AUTS2: variants seen among roughly 807,000 people sequenced by gnomAD.
AUTS2 encodes the protein activator of transcription and developmental regulator AUTS2, also known as autism susceptibility gene 2 protein.
A neutral mutation model predicts 112.4 loss-of-function variants in AUTS2; 17 were observed. The ratio of observed to expected loss-of-function variants is 0.15; its 90% CI spans 0.10 to 0.23. The LOEUF is 0.23. Ranked by LOEUF, AUTS2 falls within the 10% of genes least tolerant of loss-of-function variation. The probability of loss-of-function intolerance (pLI) is 1.00; values close to 1 mark genes in which losing one functional copy is unlikely to be tolerated. For missense variants in AUTS2, 1,510 were observed against 1,701.6 expected (o/e 0.89, Z 1.98); for synonymous variants, 751 against 702.7 (o/e 1.07, Z -1.09).
chr7:69,764,898 C>T (rs1788353463), intron 1 of AUTS2, among the ~76,000 whole-genome samples: 1 of 152,150 alleles, frequency 6.6e-6, no homozygotes, highest in Non-Finnish European at 1.5e-5. Context: ...TGGAACCAGG[C>T]TTAGGATGGA....
At chr7:70,165,523 A>G (rs1441527507) in intron 4 of AUTS2, among the ~76,000 whole-genome samples, 2 of 152,194 alleles carry the variant, frequency 1.3e-5, no homozygotes, top group Non-Finnish European at 2.9e-5. Flanking sequence ...TGAAAGAACA[A>G]ATACCCTCAA....
At chr7:69,978,880 ACACACACACACACACACACACG>A (rs1285666954) in intron 2 of AUTS2, among the ~76,000 whole-genome samples, 16 of 150,166 alleles carry the variant, frequency 1.1e-4, no homozygotes, top group African/African-American at 3.7e-4. Flanking sequence ...ACACACACAC[ACACACACACACACACACACACG>A]CACACACGCA....
intron 4 of AUTS2, among the ~76,000 whole-genome samples, chr7:70,377,355 T>TATATATATATATATATAGTG (rs1793150877): frequency 8.6e-6 from 1 of 116,346 alleles, no homozygotes; most frequent in Non-Finnish European, 1.7e-5. Flanking sequence ...TATATATATA[T>TATATATATATATATATAGTG]ATATATATAT....
At chr7:69,720,736 T>C (rs1327709756) in intron 1 of AUTS2, among the ~76,000 whole-genome samples, 1 of 152,128 alleles carries the variant, frequency 6.6e-6, no homozygotes, top group East Asian at 1.9e-4. Context: ...AGGGAGGAAA[T>C]TCTGCCTAAG....
At chr7:70,031,636 G>T (rs1233126066) in intron 2 of AUTS2, among the ~76,000 whole-genome samples, 1 of 152,120 alleles carries the variant, frequency 6.6e-6, no homozygotes, top group Non-Finnish European at 1.5e-5. Context: ...TGAGGATATT[G>T]AGTAATTGAA....
chr7:70,004,380 ATATAT>A (rs1454832891), intron 2 of AUTS2, among the ~76,000 whole-genome samples: 59 of 120,738 alleles, frequency 4.9e-4, no homozygotes, highest in Admixed American at 3.1e-4. Context: ...ATATTCATAT[ATATAT>A]TATATATATG....
At chr7:70,315,187 A>G (rs1020728286) in intron 4 of AUTS2, among the ~76,000 whole-genome samples, 2 of 152,140 alleles carry the variant, frequency 1.3e-5, no homozygotes, top group African/African-American at 4.8e-5. Context: ...CTCTCATCCC[A>G]TGGACTGCCT....
chr7:70,526,770 A>G (rs1585256260), intron 5 of AUTS2, among the ~76,000 whole-genome samples: 1 of 152,146 alleles, frequency 6.6e-6, no homozygotes, highest in East Asian at 1.9e-4. Context: ...ACCTTCTTAC[A>G]CTTACCTCCA....
In AUTS2 at chr7:69,990,357, A is replaced by G. The variant is rs900932464; in HGVS notation, c.522+90859A>G. Among the ~76,000 whole-genome samples, 7 of 152,320 alleles carry G rather than the reference A, an allele frequency of 4.6e-5. No individual in the cohort carries two copies. The East Asian group carries it at 1.4e-3, about 29-fold the overall frequency. On this transcript the variant is annotated intron_variant, in intron 2 of 18. Transcript: ENST00000342771. The stretch of plus-strand genomic sequence containing the variant: ...AATTTTGTTCATTGTTACCGTCTGT[A>G]TAGAATTTTGACTATTTGATTGGTT...
intron 5 of AUTS2, among the ~76,000 whole-genome samples, chr7:70,660,176 CA>C (rs893225793): frequency 1.1e-3 from 140 of 127,504 alleles, no homozygotes; most frequent in African/African-American, 2.8e-3. Context: ...GACTCTGTCT[CA>C]AAAAAAAAAA....
At chr7:69,956,123 C>T (rs1004872925) in intron 2 of AUTS2, among the ~76,000 whole-genome samples, 4 of 152,062 alleles carry the variant, frequency 2.6e-5, no homozygotes, top group Admixed American at 6.5e-5. Context: ...TCCAACATGC[C>T]TCAGCTGCTG....
At chr7:69,713,490 C>T (rs983297421) in intron 1 of AUTS2, among the ~76,000 whole-genome samples, 4 of 144,432 alleles carry the variant, frequency 2.8e-5, no homozygotes, top group Admixed American at 1.4e-4. Context: ...GAGGGAGTGT[C>T]GCTCTTCTTG....
chr7:70,118,004 T>C, intron 2 of AUTS2, 128 bp from the exon 3 acceptor site: 1 of 1,185,150 alleles, frequency 8.4e-7, no homozygotes, highest in Non-Finnish European at 1.1e-6. Flanking sequence ...TACCTCTGCC[T>C]CCGAAAGTGC....
intron 1 of AUTS2, among the ~76,000 whole-genome samples, chr7:69,686,584 C>T (rs1797077463): frequency 6.6e-6 from 1 of 152,098 alleles, no homozygotes; most frequent in Non-Finnish European, 1.5e-5. Context: ...ACTTAAAATT[C>T]TGTTGTTTTC....
chr7:69,857,147 C>T (rs1347962246), intron 1 of AUTS2, among the ~76,000 whole-genome samples: 1 of 152,142 alleles, frequency 6.6e-6, no homozygotes, highest in Non-Finnish European at 1.5e-5. Context: ...CAGACATGTG[C>T]AGTGTATTCA....
intron 1 of AUTS2, among the ~76,000 whole-genome samples, chr7:69,717,350 C>G (rs976431460): frequency 6.6e-6 from 1 of 152,176 alleles, no homozygotes. Context: ...ACAAAGCATT[C>G]CTGGTGGCAT....
chr7:70,335,963 C>CAATTCTTT (rs1454495693), intron 4 of AUTS2, among the ~76,000 whole-genome samples: 11 of 152,286 alleles, frequency 7.2e-5, no homozygotes, highest in Middle Eastern at 3.4e-3. Context: ...ACAGCTCACA[C>CAATTCTTT]AATTCTTTAA....
At chr7:70,703,470 G>A (rs1324646613) in intron 6 of AUTS2, among the ~76,000 whole-genome samples, 3 of 117,368 alleles carry the variant, frequency 2.6e-5, no homozygotes, top group African/African-American at 3.5e-5. Flanking sequence ...TAGCCTGGGC[G>A]ACAGAGTGAG....
Position 70,519,808 on chromosome 7 carries a change from C to A in AUTS2, c.690+84027C>A, listed in dbSNP as rs1208704976. Among the ~76,000 whole-genome samples the A allele has an allele frequency of 2.0e-5, 3 of 152,088 alleles. No homozygotes were observed. The East Asian group carries it at 5.8e-4, about 29-fold the overall frequency. On this transcript the variant is annotated intron_variant, in intron 5 of 18. Coordinates refer to ENST00000342771, the MANE Select transcript of AUTS2 (RefSeq NM_015570.4). ...ATATCACTTTACTTAATATGAGCAG[C>A]TTCTACTTGATTGGGTGTTCTGTCA...
Sources: allele counts gnomAD v4.1 joint callset (sites outside exome capture counted in the v4.1 genomes callset), GRCh38; gene constraint gnomAD v4.1.1; transcripts MANE v1.5; gene names NCBI Gene and HGNC (gene_info 2026-07-23, HGNC 2026-07-21).